The following NUP85 variants were observed in gnomAD, a reference collection of about 807,000 sequenced individuals.
The protein encoded by NUP85 is nucleoporin 85, also known as nuclear pore complex protein Nup85.
In NUP85, 23 loss-of-function variants were observed where a neutral mutation model predicts 92.8. The ratio of observed to expected loss-of-function variants is 0.25; its 90% CI spans 0.18 to 0.35. The LOEUF (loss-of-function observed/expected upper bound fraction) is 0.35. Among genes scored for constraint, NUP85 ranks in the 10% least tolerant of loss-of-function variants. NUP85 has a pLI of 1.00. For synonymous variants in NUP85, 314 were observed against 306.9 expected, an observed-to-expected ratio of 1.02 and a Z score of -0.24; for missense variants, 759 against 822.8, an observed-to-expected ratio of 0.92 and a Z score of 0.95.
chr17:75,232,601 G>A (rs924448958), intron 14 of NUP85, among the ~76,000 whole-genome samples: 11 of 152,106 alleles, frequency 7.2e-5, no homozygotes, highest in Admixed American at 3.3e-4. Context: ...AGGGAGCAAC[G>A]TTTTGCTCCC....
chr17:75,219,315 G>A (rs925858991), intron 7 of NUP85, among the ~76,000 whole-genome samples: 4 of 152,140 alleles, frequency 2.6e-5, no homozygotes, highest in African/African-American at 7.2e-5. Flanking sequence ...TTCGCTTTGC[G>A]GCCTGGGCGG....
At chr17:75,207,693 T>C (rs12938575) in intron 1 of NUP85, among the ~76,000 whole-genome samples, 111,045 of 151,520 alleles carry the variant, frequency 0.73, 41,367 homozygotes, top group East Asian at 0.87. Flanking sequence ...TTGGTCAGGC[T>C]GGTCTCCAAA....
chr17:75,225,982 C>T, intron 10 of NUP85, 69 bp from the exon 11 acceptor site: 3 of 1,604,582 alleles, frequency 1.9e-6, no homozygotes, highest in South Asian at 2.2e-5. Context: ...GTTCGTTATA[C>T]AGCAGCCCTG....
At chr17:75,228,136 A>G (rs1406357642) in intron 11 of NUP85, 3 of 960,424 alleles carry the variant, frequency 3.1e-6, no homozygotes, top group South Asian at 4.8e-5. Context: ...AGGGCTTCCT[A>G]ATTTATAAGC....
chr17:75,228,450 A>G (rs886115469), intron 11 of NUP85: 3 of 985,300 alleles, frequency 3.0e-6, no homozygotes, highest in Admixed American at 6.2e-5. Context: ...CTGTTTTGAA[A>G]GAGGAACAGA....
chr17:75,214,624 C>T (rs999592492), intron 5 of NUP85, among the ~76,000 whole-genome samples: 33 of 151,988 alleles, frequency 2.2e-4, no homozygotes, highest in Admixed American at 1.3e-3. Context: ...TTTGAGAGGC[C>T]GAGGTGGGTG....
chr17:75,234,868 G>A (rs2291032), intron 17 of NUP85, 80 bp downstream of exon 17: 30,881 of 1,542,902 alleles, frequency 0.02, 2,161 homozygotes, highest in African/African-American at 0.2. Flanking sequence ...GCCGATGTGC[G>A]TGTTTCCTCC....
intron 14 of NUP85, 40 bp downstream of exon 14, chr17:75,232,019 C>G: frequency 1.9e-6 from 3 of 1,608,638 alleles, no homozygotes; most frequent in Non-Finnish European, 2.5e-6. Context: ...CTGTGGGACG[C>G]AGGAGTCAGG....
chr17:75,212,931 A>G, intron 4 of NUP85, 145 bp from the exon 5 acceptor site: 1 of 822,686 alleles, frequency 1.2e-6, no homozygotes, highest in South Asian at 1.8e-5. Flanking sequence ...CAACAAAAAA[A>G]TCCATAATTA....
intron 5 of NUP85, among the ~76,000 whole-genome samples, chr17:75,214,124 G>GT (rs1447452984): frequency 1.3e-5 from 2 of 152,100 alleles, no homozygotes; most frequent in African/African-American, 4.8e-5. Flanking sequence ...GATTACAAGT[G>GT]TGAGCCACTG....
At chr17:75,209,741 C>A in intron 2 of NUP85, 82 bp from the exon 3 acceptor site, 1 of 1,230,916 alleles carries the variant, frequency 8.1e-7, no homozygotes, top group Non-Finnish European at 1.1e-6. Flanking sequence ...CATGCCCGGC[C>A]ACAGAAAATT....
intron 7 of NUP85, among the ~76,000 whole-genome samples, chr17:75,220,481 C>A (rs1170069691): frequency 6.6e-6 from 1 of 151,618 alleles, no homozygotes; most frequent in Non-Finnish European, 1.5e-5. Flanking sequence ...TGCACAATCA[C>A]CAGTCACTGT....
rs2075161448 is a variant in NUP85, at chr17:75,208,580, A to G, written c.87A>G (p.Pro29=). The G allele has an allele frequency of 1.2e-6, 2 of 1,610,104 alleles. No individual in the cohort carries two copies. Among genetic ancestry groups the G allele is most frequent in the Non-Finnish European group, 1.7e-6 (2 of 1,176,846 alleles). ...KKNQMYFDWG[P]GEMLVCETSF... is the part of the protein sequence containing the mutation. ...ACCAAATGTATTTTGACTGGGGTCC[A>G]GGGGAGATGCTGGTATGTGAAACCT... is the stretch of plus-strand genomic sequence containing the variant. Residue 29 remains proline (P), a synonymous_variant, in exon 2 of 19, where the codon CCA becomes CCG. Transcript: ENST00000245544.
At chr17:75,207,570 C>G (rs1433114874) in intron 1 of NUP85, among the ~76,000 whole-genome samples, 1 of 151,810 alleles carries the variant, frequency 6.6e-6, no homozygotes, top group Non-Finnish European at 1.5e-5. Flanking sequence ...ACCTCTGGCT[C>G]CTGGGTTCAA....
intron 7 of NUP85, among the ~76,000 whole-genome samples, chr17:75,223,424 G>A (rs2075655716): frequency 6.6e-6 from 1 of 152,148 alleles, no homozygotes; most frequent in South Asian, 2.1e-4. Context: ...GTCTCACTCT[G>A]TCACCCAGGC....
chr17:75,215,757 T>TC lies in NUP85; in HGVS notation c.411dup (p.Ile138HisfsTer13). 1 of 1,613,944 alleles carries TC rather than the reference T, an allele frequency of 6.2e-7. No homozygotes were observed. ...CCTGTCCCCATTTCTTCCTTAGGTC[T>TC]CCATTTTGTCAGCAATGGAGCTCAT... On this transcript the variant is annotated frameshift_variant, in exon 6 of 19. Coordinates refer to ENST00000245544, the MANE Select transcript of NUP85 (RefSeq NM_024844.5). LOFTEE classifies it high-confidence loss of function.
intron 7 of NUP85, among the ~76,000 whole-genome samples, chr17:75,222,810 C>T (rs1289921772): frequency 1.3e-5 from 2 of 151,572 alleles, no homozygotes; most frequent in Admixed American, 6.6e-5. Context: ...CCGAGGCGGG[C>T]GGATCATGAA....
chr17:75,208,281 A>G (rs1480195762), intron 1 of NUP85: 2 of 102,450 alleles, frequency 2.0e-5, no homozygotes, highest in African/African-American at 7.8e-5. Flanking sequence ...ACTAAAAATG[A>G]AAAAAAAAAA....
chr17:75,224,724 C>T (rs1056855877), intron 7 of NUP85, among the ~76,000 whole-genome samples: 1 of 150,592 alleles, frequency 6.6e-6, no homozygotes, highest in African/African-American at 2.4e-5. Context: ...CTCAGCTACT[C>T]GGGAGGTTGA....
Sources: gnomAD v4.1 joint callset for allele counts (sites outside exome capture counted in the v4.1 genomes callset) on GRCh38, gnomAD v4.1.1 for gene constraint, MANE v1.5 for transcripts, NCBI Gene and HGNC (gene_info 2026-07-23, HGNC 2026-07-21) for gene names.